The following LZTFL1 variants were observed in gnomAD, a reference collection of about 807,000 sequenced individuals.
LZTFL1 encodes the protein leucine zipper transcription factor like 1.
A neutral mutation model predicts 45.9 loss-of-function variants in LZTFL1; 25 were observed. That is an observed-to-expected ratio of 0.54 (90% CI 0.40 to 0.76). The LOEUF (loss-of-function observed/expected upper bound fraction) is 0.76, where lower values mean the gene tolerates loss of function less well. LZTFL1 is among the 30% of genes least tolerant of loss of function. The probability of loss-of-function intolerance (pLI) is 0.00; values close to 1 mark genes in which losing one functional copy is unlikely to be tolerated. For synonymous variants in LZTFL1, 93 were observed against 117.4 expected (o/e 0.79, Z 1.35); for missense variants, 277 against 331.1 (o/e 0.84, Z 1.27).
chr3:45,825,769 A>C lies in LZTFL1; in HGVS notation c.*545T>G, dbSNP rs1360805846. ...TAAATTTTCCTTATAATTGGTAAAAAGGCTACCCATAATAGAATTCACATT... is the reference window on the plus strand; with the variant it reads ...TAAATTTTCCTTATAATTGGTAAAACGGCTACCCATAATAGAATTCACATT... On this transcript the variant is annotated 3_prime_UTR_variant, in exon 10 of 10. Coordinates refer to ENST00000296135, the MANE Select transcript of LZTFL1 (RefSeq NM_020347.4). The C allele has an allele frequency of 6.6e-6, 1 of 152,478 alleles. No homozygotes were observed. Among genetic ancestry groups the C allele is most frequent in the East Asian group, 1.9e-4 (1 of 5,196 alleles). 9.4% of individuals were successfully genotyped at this position (152,478 alleles called of 1,614,324 possible). A position where few individuals can be genotyped will look rare whatever the true frequency, so the allele number is the denominator to read the frequency against.
rs528807952 is a variant in LZTFL1, at chr3:45,838,044, A to C, written c.11T>G (p.Leu4Trp). The C allele has an allele frequency of 2.5e-6, 4 of 1,593,280 alleles. No homozygotes were observed. The African/African-American group carries it at 5.4e-5, about 22-fold the overall frequency. The change falls in exon 2 of 10, where the codon TTG (leucine) becomes TGG (tryptophan). Residue 4 changes from leucine to tryptophan, a missense_variant. Transcript: ENST00000296135. MAE[L>W]GLNEHHQNEV... Reference sequence around the variant, plus strand: ...ATTTTGATGGTGCTCATTTAGGCCCAACTCTGCCTGAAAAAGAAAGAGGTA... The same window carrying C: ...ATTTTGATGGTGCTCATTTAGGCCCCACTCTGCCTGAAAAAGAAAGAGGTA...
intron 7 of LZTFL1, 99 bp downstream of exon 7, chr3:45,830,813 CA>C: frequency 1.0e-6 from 1 of 968,438 alleles, no homozygotes. Flanking sequence ...CAGGGAGTAG[CA>C]GGGGTGGGGT....
intron 2 of LZTFL1, among the ~76,000 whole-genome samples, chr3:45,862,785 T>G (rs1319264511): frequency 6.6e-6 from 1 of 152,264 alleles, no homozygotes; most frequent in Non-Finnish European, 1.5e-5. Flanking sequence ...CAACCAGTAC[T>G]GAGAACTCTC....
chr3:45,856,367 C>A (rs1701394038), intron 3 of LZTFL1, among the ~76,000 whole-genome samples: 1 of 152,116 alleles, frequency 6.6e-6, no homozygotes, highest in African/African-American at 2.4e-5. Context: ...TTCCTTACAC[C>A]TTATACAAAA....
Position 45,893,298 on chromosome 3 carries a change from G to A in LZTFL1, c.-215+19822C>T, listed in dbSNP as rs543963159. On this transcript the variant is annotated intron_variant, in intron 2 of 4. Transcript: ENST00000472635. Reference sequence around the variant, plus strand: ...GCCTCCTGAGTAGCTGAGACTACAGGCGCACACCACCACACCTGGCTAATT... The same window carrying A: ...GCCTCCTGAGTAGCTGAGACTACAGACGCACACCACCACACCTGGCTAATT... Among the ~76,000 whole-genome samples the A allele has an allele frequency of 7.9e-5, 12 of 152,214 alleles. No homozygotes were observed. The South Asian group carries it at 2.5e-3, about 32-fold the overall frequency.
intron 2 of LZTFL1, among the ~76,000 whole-genome samples, chr3:45,868,362 A>T (rs929456013): frequency 2.6e-5 from 4 of 152,092 alleles, no homozygotes; most frequent in Non-Finnish European, 5.9e-5. Context: ...AACCTTAGAG[A>T]GCCAGATGAC....
intron 3 of LZTFL1, among the ~76,000 whole-genome samples, chr3:45,858,630 A>T (rs1311601738): frequency 6.6e-6 from 1 of 152,230 alleles, no homozygotes; most frequent in Non-Finnish European, 1.5e-5. Context: ...AAAAATGGAA[A>T]TCTTGAGAAA....
At chr3:45,872,109 C>T (rs1405597800) in intron 2 of LZTFL1, among the ~76,000 whole-genome samples, 1 of 152,076 alleles carries the variant, frequency 6.6e-6, no homozygotes, top group Non-Finnish European at 1.5e-5. Flanking sequence ...AATTTATCGC[C>T]ACAGTGCATC....
At chr3:45,845,235 GA>G (rs770869175), upstream of LZTFL1, among the ~76,000 whole-genome samples, 18 of 152,220 alleles carry the variant, frequency 1.2e-4, no homozygotes, top group Admixed American at 4.6e-4. Context: ...ACACAATGGG[GA>G]AGGGAATAAT....
At chr3:45,871,691 G>A (rs1464530371) in intron 2 of LZTFL1, among the ~76,000 whole-genome samples, 1 of 151,036 alleles carries the variant, frequency 6.6e-6, no homozygotes, top group Non-Finnish European at 1.5e-5. Flanking sequence ...TTTTTCCATA[G>A]AGTGACGCTA....
intron 2 of LZTFL1, among the ~76,000 whole-genome samples, chr3:45,879,815 C>T (rs780790659): frequency 2.6e-5 from 4 of 152,024 alleles, no homozygotes; most frequent in Non-Finnish European, 5.9e-5. Context: ...TAAAACTGCT[C>T]TAAAAAACAA....
At chr3:45,915,649 A>G, upstream of LZTFL1, 1 of 384,774 alleles carries the variant, frequency 2.6e-6, no homozygotes, top group Non-Finnish European at 5.3e-6. Context: ...TAGCTAAAAA[A>G]GACTTAATTC....
At chr3:45,910,914 T>C (rs1170398005) in intron 2 of LZTFL1, among the ~76,000 whole-genome samples, 1 of 152,144 alleles carries the variant, frequency 6.6e-6, no homozygotes, top group Non-Finnish European at 1.5e-5. Flanking sequence ...AGTTAGATAT[T>C]GGCTGGGGCT....
intron 2 of LZTFL1, chr3:45,903,148 G>C (rs1339662583): frequency 1.2e-5 from 2 of 167,072 alleles, no homozygotes; most frequent in Admixed American, 1.3e-4. Flanking sequence ...TTTTAAGTGT[G>C]TGCAATTAAA....
intron 2 of LZTFL1, among the ~76,000 whole-genome samples, chr3:45,905,622 G>C (rs1702665057): frequency 6.6e-6 from 1 of 152,238 alleles, no homozygotes; most frequent in African/African-American, 2.4e-5. Flanking sequence ...CTCCACTGCA[G>C]AGCCGCCCTG....
upstream of LZTFL1, among the ~76,000 whole-genome samples, chr3:45,843,665 ATT>A (rs1701171310): frequency 6.6e-6 from 1 of 152,240 alleles, no homozygotes. Context: ...GTAATTTAAA[ATT>A]CTGCTTTAAT....
upstream of LZTFL1, among the ~76,000 whole-genome samples, chr3:45,846,360 A>G (rs1701217589): frequency 6.6e-6 from 1 of 152,216 alleles, no homozygotes; most frequent in Non-Finnish European, 1.5e-5. Flanking sequence ...AAGACATTCC[A>G]TAAAACAATT....
chr3:45,900,925 T>C lies in LZTFL1; in HGVS notation c.-215+12195A>G. 6.2e-7 allele frequency: 1 copy of C among 1,614,172 alleles called. No homozygotes were observed. Among genetic ancestry groups the C allele is most frequent in the Non-Finnish European group, 8.5e-7 (1 of 1,180,028 alleles). On this transcript the variant is annotated intron_variant, in intron 2 of 4. Transcript: ENST00000472635. This position sits in a 1 kb window ranked among gnomAD's most constrained non-coding sequence, Gnocchi z 4.7. ...TGTGAGAAAAACAATGTCAGGCAGT[T>C]TGCGAGCCATTTCCTCCCACCCTTG...
intron 2 of LZTFL1, 39 bp from the exon 3 acceptor site, chr3:45,835,823 A>G (rs1035980570): frequency 1.4e-6 from 2 of 1,480,568 alleles, no homozygotes; most frequent in Non-Finnish European, 9.2e-7. Context: ...TAGAAAAACA[A>G]CAAGAAAAAT....
Sources: gnomAD v4.1 joint callset for allele counts (sites outside exome capture counted in the v4.1 genomes callset) on GRCh38, gnomAD v4.1.1 for gene constraint, Gnocchi (gnomAD v3.1) non-coding constraint, MANE v1.5 for transcripts, NCBI Gene and HGNC (gene_info 2026-07-23, HGNC 2026-07-21) for gene names.